Variants in PCLO observed in about 807,000 individuals in gnomAD.
The protein encoded by PCLO is protein piccolo.
A neutral mutation model predicts 427.5 loss-of-function variants in PCLO; 82 were observed. The ratio of observed to expected loss-of-function variants is 0.19; its 90% CI spans 0.16 to 0.23. PCLO has a LOEUF of 0.23. Among genes scored for constraint, PCLO ranks in the 10% least tolerant of loss-of-function variants. The probability of loss-of-function intolerance (pLI) is 1.00; values close to 1 mark genes in which losing one functional copy is unlikely to be tolerated. For missense variants in PCLO, 6,239 were observed against 6,115.9 expected, an observed-to-expected ratio of 1.02 and a Z score of -0.67; for synonymous variants, 2,357 against 2,155.4, an observed-to-expected ratio of 1.09 and a Z score of -2.59.
intron 3 of PCLO, among the ~76,000 whole-genome samples, chr7:83,070,784 A>T (rs764076033): frequency 1.3e-5 from 2 of 152,160 alleles, no homozygotes; most frequent in African/African-American, 4.8e-5. Context: ...ATAAATGATG[A>T]TGGAATGAGA....
At chr7:83,056,927 A>T (rs1789393553) in intron 3 of PCLO, among the ~76,000 whole-genome samples, 3 of 152,104 alleles carry the variant, frequency 2.0e-5, no homozygotes, top group Non-Finnish European at 4.4e-5. Flanking sequence ...ACTACTGCAA[A>T]TAGTATGGCT....
rs1794415299 is a variant in PCLO at position 82,915,197 on chromosome 7, T to A, written c.12789A>T (p.Gly4263=). 1.9e-6 allele frequency: 3 copies of A among 1,610,652 alleles called. No individual in the cohort carries two copies. Among genetic ancestry groups the A allele is most frequent in the Non-Finnish European group, 2.5e-6 (3 of 1,178,218 alleles). The part of the protein sequence containing the change: ...QKFMGSSLGT[G]LGTLGNTIRS... Reference sequence around the variant, plus strand: ...GTATGGTATTTCCTAATGTGCCCAGTCCTGTGCCAAGAGAAGATCCCATAA... The same window carrying A: ...GTATGGTATTTCCTAATGTGCCCAGACCTGTGCCAAGAGAAGATCCCATAA... Residue 4263 remains glycine, a synonymous_variant, in exon 7 of 25, where the codon GGA becomes GGT. Transcript: ENST00000333891.
rs941799902 is a variant in PCLO, at chr7:82,954,212, T to G, written c.6741A>C (p.Leu2247Phe). Residue 2247 changes from leucine (L) to phenylalanine (F), a missense_variant, in exon 5 of 25, where the codon TTA becomes TTC. Leu to Phe is a conservative substitution (Grantham distance 22, BLOSUM62 0). Around this residue, in one of 5 missense-constraint regions of PCLO, gnomAD observed 4,677 missense variants for 4,468.4 expected, o/e 1.05. Coordinates refer to ENST00000333891, the MANE Select transcript of PCLO (RefSeq NM_033026.6). The stretch of plus-strand genomic sequence containing the variant: ...TACCATCTGGTGGGGCAGTCCGATC[T>G]AAAGATACACTTATTTCTTCTGGAT... Reference protein sequence around the residue: ...IDYPEEISVSLDRTAPPDGRA... With the variant: ...IDYPEEISVSFDRTAPPDGRA... 3.1e-6 allele frequency: 5 copies of G among 1,613,540 alleles called. No homozygotes were observed. The African/African-American group carries it at 5.3e-5, about 17-fold the overall frequency.
chr7:82,827,434 T>C (rs983629539), intron 17 of PCLO, among the ~76,000 whole-genome samples: 3 of 152,078 alleles, frequency 2.0e-5, no homozygotes, highest in Non-Finnish European at 4.4e-5. Flanking sequence ...AGGCCTCAAT[T>C]TAGCAAAGAG....
chr7:83,087,010 C>A (rs545286720), intron 3 of PCLO, among the ~76,000 whole-genome samples: 37 of 132,824 alleles, frequency 2.8e-4, no homozygotes, highest in Non-Finnish European at 5.3e-4. Context: ...TAGGTGGGAA[C>A]TGAACAATGA....
intron 3 of PCLO, among the ~76,000 whole-genome samples, chr7:82,966,692 T>C (rs1277607806): frequency 6.6e-6 from 1 of 152,152 alleles, no homozygotes; most frequent in Non-Finnish European, 1.5e-5. Flanking sequence ...GTATAGAATT[T>C]CTAGAGACTA....
intron 10 of PCLO, among the ~76,000 whole-genome samples, chr7:82,866,790 T>G (rs1793105847): frequency 6.6e-6 from 1 of 152,072 alleles, no homozygotes; most frequent in African/African-American, 2.4e-5. Flanking sequence ...GTATCTGGAA[T>G]AGTACTCCAT....
intron 3 of PCLO, among the ~76,000 whole-genome samples, chr7:82,986,519 C>T (rs1796260725): frequency 6.6e-6 from 1 of 151,816 alleles, no homozygotes; most frequent in South Asian, 2.1e-4. Flanking sequence ...TTAAATTATT[C>T]ATTTAAAATA....
intron 8 of PCLO, among the ~76,000 whole-genome samples, chr7:82,905,823 G>A (rs1387516742): frequency 1.3e-5 from 2 of 152,016 alleles, no homozygotes; most frequent in Non-Finnish European, 2.9e-5. Flanking sequence ...AGCGTTAAGT[G>A]CAGAAAGTGA....
intron 9 of PCLO, among the ~76,000 whole-genome samples, chr7:82,892,823 A>C (rs1793803750): frequency 6.6e-6 from 1 of 152,136 alleles, no homozygotes; most frequent in Non-Finnish European, 1.5e-5. Flanking sequence ...ACATGAAAAA[A>C]TGCTCATCAT....
At chr7:83,079,926 T>C (rs1266549770) in intron 3 of PCLO, among the ~76,000 whole-genome samples, 1 of 151,838 alleles carries the variant, frequency 6.6e-6, no homozygotes, top group African/African-American at 2.4e-5. Flanking sequence ...CCTGTGTCCA[T>C]GTGTTCTCAT....
chr7:83,154,843 G>A lies in PCLO; in HGVS notation c.1798C>T (p.His600Tyr). The A allele has an allele frequency of 6.2e-7, 1 of 1,613,956 alleles. No homozygotes were observed. Among genetic ancestry groups the A allele is most frequent in the Non-Finnish European group, 8.5e-7 (1 of 1,179,834 alleles). ...PLCNTTELLL[H>Y]VPEKANFNTC... ...TTAAAATTGGCCTTTTCTGGAACATGCAACAGAAGTTCAGTGGTATTGCAA... is the reference window on the plus strand; with the variant it reads ...TTAAAATTGGCCTTTTCTGGAACATACAACAGAAGTTCAGTGGTATTGCAA... The change falls in exon 2 of 25, where the codon CAT becomes TAT. Residue 600 changes from histidine to tyrosine, a missense_variant. His to Tyr is a moderately conservative substitution (Grantham distance 83, BLOSUM62 2). This residue lies in a region of PCLO where 4,677 missense variants were observed against 4,468.4 expected (regional missense o/e 1.05). Transcript: ENST00000333891.
In PCLO at chr7:82,966,089, C is replaced by T. The variant is rs775849413; in HGVS notation, c.3699G>A (p.Lys1233=). 1.6e-5 allele frequency: 25 copies of T among 1,611,126 alleles called. No homozygotes were observed. The highest frequency in any genetic ancestry group is 1.8e-5 in the Non-Finnish European group (21 of 1,179,302). ...TTGGCTTTTTTTCTTCTAGGAGTGG[C>T]TTTTTTTCTTCAGAACGTATCTTTT... ...EEEKIRSEEK[K]PLLEEKKPTP... is the part of the protein sequence containing the mutation. The change falls in exon 4 of 25, where the codon AAG becomes AAA. Residue 1233 remains lysine, a synonymous_variant. Coordinates refer to ENST00000333891, the MANE Select transcript of PCLO (RefSeq NM_033026.6).
intron 24 of PCLO, 94 bp from the exon 25 acceptor site, chr7:82,758,809 G>A: frequency 1.4e-6 from 1 of 711,778 alleles, no homozygotes; most frequent in Non-Finnish European, 2.3e-6. Context: ...AATCATCAAA[G>A]ACATAGCACG....
intron 3 of PCLO, among the ~76,000 whole-genome samples, chr7:83,031,616 A>C (rs2116146649): frequency 6.6e-6 from 1 of 152,304 alleles, no homozygotes; most frequent in African/African-American, 2.4e-5. Context: ...CTTCAGAATC[A>C]GATTCTAAGT....
intron 20 of PCLO, among the ~76,000 whole-genome samples, chr7:82,811,613 T>A (rs1447480366): frequency 6.6e-6 from 1 of 151,610 alleles, no homozygotes; most frequent in Non-Finnish European, 1.5e-5. Flanking sequence ...GGTTCTAGTT[T>A]AAGAAGAGGT....
At chr7:83,101,123 G>A (rs1476218485) in intron 3 of PCLO, among the ~76,000 whole-genome samples, 1 of 151,676 alleles carries the variant, frequency 6.6e-6, no homozygotes, top group South Asian at 2.1e-4. Context: ...AAATTAATTA[G>A]CATAATAGCT....
At chr7:83,125,450 G>A (rs1246851308) in intron 3 of PCLO, among the ~76,000 whole-genome samples, 1 of 152,234 alleles carries the variant, frequency 6.6e-6, no homozygotes, top group African/African-American at 2.4e-5. Context: ...GAATAGAAAA[G>A]GGGGAGATGT....
Position 82,822,520 on chromosome 7 carries a change from G to A in PCLO, c.14766C>T (p.Ala4922=), listed in dbSNP as rs146099474. 11,817 of 1,613,796 alleles carry A rather than the reference G, an allele frequency of 7.3e-3. 30 individuals carry two copies. The highest frequency in any genetic ancestry group is 8.9e-3 in the Non-Finnish European group (10,525 of 1,179,814). ...TTGGTTGAATGCGGAGTTGTTGCACGGCAGCTTCGGCAGCAGCTATGGCAG... is the reference window on the plus strand; with the variant it reads ...TTGGTTGAATGCGGAGTTGTTGCACAGCAGCTTCGGCAGCAGCTATGGCAG... ...AGAAIAAAEA[A]VQQLRIQPTK... The change falls in exon 20 of 25, where the codon GCC becomes GCT. Residue 4922 remains alanine, a synonymous_variant. Transcript: ENST00000333891.
Sources: gnomAD v4.1 joint callset for allele counts (sites outside exome capture counted in the v4.1 genomes callset) on GRCh38, gnomAD v4.1.1 for gene constraint, gnomAD v4.1.1 regional missense constraint, MANE v1.5 for transcripts, NCBI Gene and HGNC (gene_info 2026-07-23, HGNC 2026-07-21) for gene names.